GABRB2: variants seen among roughly 807,000 people sequenced by gnomAD.
The protein encoded by GABRB2 is gamma-aminobutyric acid type A receptor subunit beta2, also known as gamma-aminobutyric acid receptor subunit beta-2.
Under a neutral mutation model 54.7 loss-of-function variants are expected in GABRB2, and 16 were observed. The observed-to-expected ratio is 0.29, with a 90% confidence interval of 0.20 to 0.44. GABRB2 has a LOEUF of 0.44. GABRB2 is among the 20% of genes least tolerant of loss of function. The pLI is 1.00. For synonymous variants in GABRB2, 244 were observed against 233.8 expected (o/e 1.04, Z -0.40); for missense variants, 355 against 644.0 (o/e 0.55, Z 4.86).
At chr5:161,342,361 A>C (rs1754199342) in intron 5 of GABRB2, among the ~76,000 whole-genome samples, 2 of 152,042 alleles carry the variant, frequency 1.3e-5, no homozygotes, top group Non-Finnish European at 1.5e-5. Context: ...TATAGTTACT[A>C]TTATTAGTCT....
intron 9 of GABRB2, among the ~76,000 whole-genome samples, chr5:161,296,146 T>A (rs935451457): frequency 1.3e-5 from 2 of 152,204 alleles, no homozygotes; most frequent in East Asian, 1.9e-4. Flanking sequence ...GAGCTGGAAT[T>A]CAAATTTTGA....
chr5:161,524,564 A>T (rs1181414342), intron 3 of GABRB2, among the ~76,000 whole-genome samples: 1 of 151,534 alleles, frequency 6.6e-6, no homozygotes, highest in Admixed American at 6.6e-5. Context: ...CTCAGATGTA[A>T]GAAAAGCAGA....
intron 5 of GABRB2, among the ~76,000 whole-genome samples, chr5:161,357,015 T>C (rs138958675): frequency 1.6e-3 from 244 of 152,316 alleles, no homozygotes; most frequent in Admixed American, 3.7e-3. Flanking sequence ...TCTGCCCTCA[T>C]TGAAAATACA....
At chr5:161,355,973 C>T (rs1488608658) in intron 5 of GABRB2, among the ~76,000 whole-genome samples, 12 of 152,140 alleles carry the variant, frequency 7.9e-5, no homozygotes, top group Non-Finnish European at 1.5e-5. Flanking sequence ...CTTTAGTTCT[C>T]ATTCCTTTTC....
chr5:161,470,838 C>G (rs940062610), intron 3 of GABRB2, among the ~76,000 whole-genome samples: 1 of 151,946 alleles, frequency 6.6e-6, no homozygotes, highest in Admixed American at 6.6e-5. Flanking sequence ...ATACTATGCT[C>G]CCGAAGTCAG....
At chr5:161,330,862 G>C (rs377504424) in intron 8 of GABRB2, 21 bp downstream of exon 8, 112 of 1,613,982 alleles carry the variant, frequency 6.9e-5, no homozygotes, top group Non-Finnish European at 9.2e-5. Context: ...GAAGCAAGGA[G>C]GGCTTGCCCT....
At chr5:161,348,655 T>A (rs1177321418) in intron 5 of GABRB2, among the ~76,000 whole-genome samples, 2 of 152,118 alleles carry the variant, frequency 1.3e-5, no homozygotes, top group Non-Finnish European at 1.5e-5. Flanking sequence ...TCCTGTGATT[T>A]AATTAAAATT....
In GABRB2 at chr5:161,290,406, G is replaced by A. The variant is rs1195399149; in HGVS notation, c.*3675C>T. On this transcript the variant is annotated 3_prime_UTR_variant, in exon 10 of 10. Coordinates refer to ENST00000393959, the MANE Select transcript of GABRB2 (RefSeq NM_001371727.1). The stretch of plus-strand genomic sequence containing the variant: ...CAACTACTTAACTTCTGATGTTCTG[G>A]GGTACAGTACTATTGTCGAGTTGAA... 2.6e-5 allele frequency: 4 copies of A among 152,406 alleles called. No individual in the cohort carries two copies. Among genetic ancestry groups the A allele is most frequent in the South Asian group, 2.1e-4 (1 of 4,832 alleles). 9.4% of individuals were successfully genotyped at this position (152,406 alleles called of 1,614,324 possible).
chr5:161,497,942 T>C (rs1344594672), intron 3 of GABRB2, among the ~76,000 whole-genome samples: 1 of 152,176 alleles, frequency 6.6e-6, no homozygotes, highest in East Asian at 1.9e-4. Context: ...ATTTGGGGTT[T>C]TTAACTCAAA....
intron 5 of GABRB2, among the ~76,000 whole-genome samples, chr5:161,382,159 A>C (rs1420954776): frequency 6.6e-6 from 1 of 152,180 alleles, no homozygotes. Context: ...AAGGGGGAAG[A>C]ACAGGGAGAA....
chr5:161,310,663 G>C (rs1244330532), intron 9 of GABRB2, among the ~76,000 whole-genome samples: 1 of 134,696 alleles, frequency 7.4e-6, no homozygotes, highest in Non-Finnish European at 1.5e-5. Context: ...ACATGCACAC[G>C]CACGCGCACG....
At chr5:161,432,331 A>G (rs955924375) in intron 4 of GABRB2, among the ~76,000 whole-genome samples, 5 of 152,332 alleles carry the variant, frequency 3.3e-5, no homozygotes, top group African/African-American at 1.2e-4. Context: ...GCTTTTTATC[A>G]TATCAACATA....
At chr5:161,356,271 T>G (rs561963214) in intron 5 of GABRB2, among the ~76,000 whole-genome samples, 1 of 152,338 alleles carries the variant, frequency 6.6e-6, no homozygotes, top group Admixed American at 6.5e-5. Context: ...ATTCTATTTA[T>G]TTTTTAAGTA....
chr5:161,434,397 T>C (rs1020985790), intron 4 of GABRB2, among the ~76,000 whole-genome samples: 2 of 152,186 alleles, frequency 1.3e-5, no homozygotes, highest in African/African-American at 4.8e-5. Flanking sequence ...GTGACATCCC[T>C]TCCCCTAAAG....
chr5:161,409,752 C>T lies in GABRB2; in HGVS notation c.541+1223G>A, dbSNP rs374834711. On this transcript the variant is annotated intron_variant, in intron 5 of 9. Coordinates refer to ENST00000393959, the MANE Select transcript of GABRB2 (RefSeq NM_001371727.1). Reference sequence around the variant, plus strand: ...TTGAACTTTGTGAAACATTATTATGCTTTCTAAATTGTAGCCGTAAGTTTA... The same window carrying T: ...TTGAACTTTGTGAAACATTATTATGTTTTCTAAATTGTAGCCGTAAGTTTA... 3.3e-5 allele frequency among the ~76,000 whole-genome samples: 5 copies of T among 152,212 alleles called. No individual in the cohort carries two copies. The South Asian group carries it at 6.2e-4, about 19-fold the overall frequency.
intron 3 of GABRB2, among the ~76,000 whole-genome samples, chr5:161,508,297 G>A (rs1759669024): frequency 6.7e-6 from 1 of 149,778 alleles, no homozygotes; most frequent in Admixed American, 6.7e-5. Context: ...TAGAGACATA[G>A]CAAAGTAGAT....
intron 3 of GABRB2, among the ~76,000 whole-genome samples, chr5:161,519,832 T>C (rs1176833153): frequency 6.6e-6 from 1 of 152,130 alleles, no homozygotes; most frequent in Non-Finnish European, 1.5e-5. Context: ...AGTTTGTTTT[T>C]TAATCTGTGA....
chr5:161,519,203 A>G (rs115912247), intron 3 of GABRB2, among the ~76,000 whole-genome samples: 5,605 of 152,234 alleles, frequency 0.037, 381 homozygotes, highest in African/African-American at 0.13. Context: ...GTAAGCCACA[A>G]CTGAACTGAT....
intron 9 of GABRB2, among the ~76,000 whole-genome samples, chr5:161,305,968 TC>T (rs1438142126): frequency 2.0e-5 from 3 of 152,230 alleles, no homozygotes; most frequent in Admixed American, 1.3e-4. Context: ...TTTATAATCT[TC>T]CAAAATCTCT....
Sources: gnomAD v4.1 joint callset for allele counts (sites outside exome capture counted in the v4.1 genomes callset) on GRCh38, gnomAD v4.1.1 for gene constraint, MANE v1.5 for transcripts, NCBI Gene and HGNC (gene_info 2026-07-23, HGNC 2026-07-21) for gene names.